The following SPOCK3 variants were observed in gnomAD, a reference collection of about 807,000 sequenced individuals.
SPOCK3 encodes SPARC (osteonectin), cwcv and kazal like domains proteoglycan 3, also known as testican-3.
A neutral mutation model predicts 56.6 loss-of-function variants in SPOCK3; 30 were observed. The observed-to-expected ratio is 0.53, with a 90% CI of 0.40 to 0.72. SPOCK3 has a LOEUF of 0.72. Ranked by LOEUF, SPOCK3 falls within the 30% of genes least tolerant of loss-of-function variation. SPOCK3 has a pLI of 0.00. For missense variants in SPOCK3, 527 were observed against 530.0 expected (o/e 0.99, Z 0.06); for synonymous variants, 196 against 183.3 (o/e 1.07, Z -0.56).
chr4:167,100,405 G>C (rs1006845664), intron 2 of SPOCK3, among the ~76,000 whole-genome samples: 7 of 148,422 alleles, frequency 4.7e-5, no homozygotes, highest in African/African-American at 1.2e-4. Context: ...GTCTGTCTCT[G>C]TCTCTCTCTC....
At chr4:166,737,698 AT>A in intron 9 of SPOCK3, 94 bp from the exon 10 acceptor site, 2 of 1,336,292 alleles carry the variant, frequency 1.5e-6, no homozygotes, top group Admixed American at 4.4e-5. Flanking sequence ...GCATTAATGC[AT>A]TAAAGACTTA....
chr4:166,882,148 C>G (rs1733744342), intron 6 of SPOCK3, among the ~76,000 whole-genome samples: 1 of 152,090 alleles, frequency 6.6e-6, no homozygotes, highest in Admixed American at 6.5e-5. Flanking sequence ...TTAGAATTAA[C>G]ATGTGTAAAG....
intron 2 of SPOCK3, chr4:167,119,752 C>A (rs1761715961): frequency 3.7e-6 from 5 of 1,340,120 alleles, no homozygotes; most frequent in Non-Finnish European, 5.2e-6. Context: ...TACTCTGCTA[C>A]CCACTATTTC....
intron 5 of SPOCK3, among the ~76,000 whole-genome samples, chr4:166,903,279 T>C (rs1736256234): frequency 6.6e-6 from 1 of 151,838 alleles, no homozygotes; most frequent in Non-Finnish European, 1.5e-5. Flanking sequence ...AAAGTATATA[T>C]TGAGGCTTCC....
At chr4:166,949,852 G>T (rs2150033111) in intron 4 of SPOCK3, among the ~76,000 whole-genome samples, 1 of 151,934 alleles carries the variant, frequency 6.6e-6, no homozygotes, top group East Asian at 1.9e-4. Flanking sequence ...AAAAGTGAAG[G>T]AGAAATAAAA....
At chr4:167,071,308 G>A (rs933719299) in intron 2 of SPOCK3, among the ~76,000 whole-genome samples, 11 of 152,068 alleles carry the variant, frequency 7.2e-5, no homozygotes, top group Non-Finnish European at 8.8e-5. Context: ...TGTTACATAG[G>A]TATACATGTG....
chr4:167,101,740 G>T (rs1383645957), intron 2 of SPOCK3, among the ~76,000 whole-genome samples: 4 of 126,052 alleles, frequency 3.2e-5, no homozygotes, highest in African/African-American at 9.1e-5. Flanking sequence ...TTTTGAGACA[G>T]AGTCTTGCTC....
At chr4:167,206,888 T>C (rs1030939533) in intron 2 of SPOCK3, among the ~76,000 whole-genome samples, 1 of 151,968 alleles carries the variant, frequency 6.6e-6, no homozygotes, top group Admixed American at 6.6e-5. Flanking sequence ...AAGTTACAAC[T>C]AGATAGGAGA....
At chr4:166,751,509 A>G (rs1006683122) in intron 8 of SPOCK3, among the ~76,000 whole-genome samples, 3 of 152,168 alleles carry the variant, frequency 2.0e-5, no homozygotes, top group Non-Finnish European at 2.9e-5. Flanking sequence ...GAAATCAAGG[A>G]GTTTCATTTC....
rs115082060 is a variant in SPOCK3 at position 166,938,597 on chromosome 4, C to T, written c.351-25854G>A. The stretch of plus-strand genomic sequence containing the variant: ...TAATTTATAGATACAAATGAAATCT[C>T]TAAGAAAAAGAATGGGGGAGAAAAG... On this transcript the variant is annotated intron_variant, in intron 4 of 10. Coordinates refer to ENST00000357545, the MANE Select transcript of SPOCK3 (RefSeq NM_001040159.2). Among the ~76,000 whole-genome samples, 107 of 151,640 alleles carry T rather than the reference C, an allele frequency of 7.1e-4. 1 individual carries two copies. The highest frequency in any genetic ancestry group is 2.4e-3 in the African/African-American group (101 of 41,338).
At chr4:167,230,032 T>G (rs907461504) in intron 2 of SPOCK3, among the ~76,000 whole-genome samples, 3 of 152,088 alleles carry the variant, frequency 2.0e-5, no homozygotes, top group Admixed American at 2.0e-4. Context: ...TATGAGTTAC[T>G]TAAAAATTAG....
In SPOCK3 at chr4:167,163,984, T is replaced by A. The variant is rs531841364; in HGVS notation, c.189+70001A>T. 2.2e-4 allele frequency among the ~76,000 whole-genome samples: 33 copies of A among 152,238 alleles called. No individual in the cohort carries two copies. In the South Asian group the frequency reaches 3.7e-3, roughly 17 times the overall value. On this transcript the variant is annotated intron_variant, in intron 2 of 10. Transcript: ENST00000357545. The stretch of plus-strand genomic sequence containing the variant: ...TCATTTACTCCATAAAATCTAGACA[T>A]GTGAGGAAATCTTGGAAATTTTATT...
At chr4:166,972,800 A>C (rs2150076979) in intron 4 of SPOCK3, among the ~76,000 whole-genome samples, 1 of 151,872 alleles carries the variant, frequency 6.6e-6, no homozygotes, top group East Asian at 1.9e-4. Context: ...TATAACAATA[A>C]GTAAATTACT....
rs528616943 is a variant in SPOCK3 at position 167,058,534 on chromosome 4, G to A, written c.235+3958C>T. ...ACAAATGGAAGAACATTCCATGCTT[G>A]TGGGTAGGAAGAATCAATATCATGA... On this transcript the variant is annotated intron_variant, in intron 3 of 10. Coordinates refer to ENST00000357545, the MANE Select transcript of SPOCK3 (RefSeq NM_001040159.2). Among the ~76,000 whole-genome samples, 15 of 152,228 alleles carry A rather than the reference G, an allele frequency of 9.9e-5. No individual in the cohort carries two copies. In the South Asian group the frequency reaches 1.7e-3, roughly 17 times the overall value.
chr4:166,975,926 C>T (rs965746022), intron 4 of SPOCK3, among the ~76,000 whole-genome samples: 4 of 151,924 alleles, frequency 2.6e-5, no homozygotes, highest in Non-Finnish European at 5.9e-5. Flanking sequence ...GCTCATGGAC[C>T]CTGAAGTTGC....
intron 4 of SPOCK3, among the ~76,000 whole-genome samples, chr4:166,977,262 T>C (rs913093101): frequency 1.3e-5 from 2 of 152,126 alleles, no homozygotes; most frequent in African/African-American, 2.4e-5. Context: ...AAGTTAGAGA[T>C]TGATTAACTT....
At chr4:167,038,808 T>C (rs1752997386) in intron 3 of SPOCK3, among the ~76,000 whole-genome samples, 2 of 152,180 alleles carry the variant, frequency 1.3e-5, no homozygotes, top group South Asian at 4.1e-4. Flanking sequence ...TAATATATAC[T>C]GTTGTTAATA....
intron 6 of SPOCK3, among the ~76,000 whole-genome samples, chr4:166,794,573 AC>A (rs541214473): frequency 1.0e-3 from 154 of 152,188 alleles, no homozygotes; most frequent in African/African-American, 3.3e-3. Flanking sequence ...AATTAAAAAA[AC>A]AATTACAAAT....
chr4:166,839,880 A>G (rs1237514594), intron 6 of SPOCK3, among the ~76,000 whole-genome samples: 2 of 152,188 alleles, frequency 1.3e-5, no homozygotes, highest in Non-Finnish European at 2.9e-5. Context: ...AACCCCCATA[A>G]AAGTCCCCTG....
Sources: allele counts gnomAD v4.1 joint callset (sites outside exome capture counted in the v4.1 genomes callset), GRCh38; gene constraint gnomAD v4.1.1; transcripts MANE v1.5; gene names NCBI Gene and HGNC (gene_info 2026-07-23, HGNC 2026-07-21).